ZNF789: variants seen among roughly 807,000 people sequenced by gnomAD.
ZNF789 encodes zinc finger protein 789.
ZNF789 carries 11 observed loss-of-function variants against 15.6 expected under a neutral mutation model. The ratio of observed to expected loss-of-function variants is 0.70; its 90% CI spans 0.44 to 1.16. The LOEUF (loss-of-function observed/expected upper bound fraction) is 1.16. Among genes scored for constraint, ZNF789 ranks in the 50% most tolerant of loss-of-function variants. ZNF789 has a pLI of 0.00. For missense variants in ZNF789, 461 were observed against 512.6 expected, an observed-to-expected ratio of 0.90 and a Z score of 0.97; for synonymous variants, 159 against 176.0, an observed-to-expected ratio of 0.90 and a Z score of 0.76.
Position 99,476,497 on chromosome 7 carries a change from C to T in ZNF789, c.24+17C>T, listed in dbSNP as rs373312717. The stretch of plus-strand genomic sequence containing the variant: ...AGGGGGAAGGTGAGCTGTGCCTCCC[C>T]CTCTGCTTCATCAGCATAGTCACTG... On this transcript the variant is annotated intron_variant, in intron 2 of 4. Transcript: ENST00000331410. 1 of 1,611,126 alleles carries T rather than the reference C, an allele frequency of 6.2e-7. No homozygotes were observed. The highest frequency in any genetic ancestry group is 8.5e-7 in the Non-Finnish European group (1 of 1,179,036).
intron 3 of ZNF789, chr7:99,480,100 T>G (rs1584560314): frequency 2.8e-6 from 1 of 358,506 alleles, no homozygotes; most frequent in East Asian, 4.3e-5. Flanking sequence ...CCGAGGCGGG[T>G]GGATCACATG....
chr7:99,476,258 C>G, intron 1 of ZNF789, 145 bp from the exon 2 acceptor site: 1 of 556,076 alleles, frequency 1.8e-6, no homozygotes, highest in Non-Finnish European at 3.1e-6. Flanking sequence ...GCGGCTCATG[C>G]ATTTCATCAC....
At chr7:99,484,328 A>G (rs1437349752) in intron 4 of ZNF789, among the ~76,000 whole-genome samples, 185 bp downstream of exon 4, 1 of 152,216 alleles carries the variant, frequency 6.6e-6, no homozygotes, top group Non-Finnish European at 1.5e-5. Flanking sequence ...TGAAGAAACT[A>G]AGATTAAGAA....
At chr7:99,476,748 G>T (rs1799357078) in intron 2 of ZNF789, among the ~76,000 whole-genome samples, 1 of 152,218 alleles carries the variant, frequency 6.6e-6, no homozygotes. Flanking sequence ...AGTCCTTTGT[G>T]CAGTATCTGG....
intron 4 of ZNF789, among the ~76,000 whole-genome samples, chr7:99,485,533 T>C (rs1172008866): frequency 6.6e-6 from 1 of 152,226 alleles, no homozygotes; most frequent in Admixed American, 6.5e-5. Context: ...CCTAGAGTTA[T>C]TAAAAACGTG....
chr7:99,483,588 C>T (rs1272488633), intron 3 of ZNF789: 5 of 652,610 alleles, frequency 7.7e-6, no homozygotes, highest in Non-Finnish European at 1.4e-5. Context: ...CCAAGACTGT[C>T]ACTCCAGCCT....
intron 4 of ZNF789, among the ~76,000 whole-genome samples, chr7:99,485,611 C>T (rs936566315): frequency 2.6e-5 from 4 of 152,178 alleles, no homozygotes; most frequent in Non-Finnish European, 4.4e-5. Context: ...ATGGGCAGAT[C>T]GCTTGAGGCC....
At chr7:99,482,391 T>G (rs931838328) in intron 3 of ZNF789, 2 of 626,726 alleles carry the variant, frequency 3.2e-6, no homozygotes, top group African/African-American at 3.7e-5. Context: ...GCACCTGCGT[T>G]TTGACTGCCA....
chr7:99,482,868 A>C (rs1314245568), intron 3 of ZNF789, among the ~76,000 whole-genome samples: 2 of 151,978 alleles, frequency 1.3e-5, no homozygotes, highest in African/African-American at 4.8e-5. Flanking sequence ...AAATAAAAAA[A>C]ATTTGGATCA....
chr7:99,486,826 T>C lies in ZNF789; in HGVS notation c.616T>C (p.Cys206Arg). 6.2e-7 allele frequency: 1 copy of C among 1,614,180 alleles called. No individual in the cohort carries two copies. Among genetic ancestry groups the C allele is most frequent in the Non-Finnish European group, 8.5e-7 (1 of 1,180,030 alleles). The stretch of plus-strand genomic sequence containing the variant: ...AGCAAAGTCTTATGAATGCAGTGAA[T>C]GTGGAAAAGTCATTAGGCGTAAGGC... ...TRAKSYECSE[C>R]GKVIRRKAWF... Residue 206 changes from cysteine to arginine, a missense_variant, in exon 5 of 5, where the codon TGT becomes CGT. Physicochemically the swap from Cys to Arg is radical, Grantham distance 180. Transcript: ENST00000331410.
intron 1 of ZNF789, among the ~76,000 whole-genome samples, chr7:99,473,519 G>A (rs1584545173): frequency 6.6e-6 from 1 of 152,230 alleles, no homozygotes; most frequent in East Asian, 1.9e-4. Context: ...AAGTCGAGCT[G>A]GATCAGCCTC....
intron 3 of ZNF789, among the ~76,000 whole-genome samples, chr7:99,483,167 G>T (rs1799738653): frequency 6.6e-6 from 1 of 152,078 alleles, no homozygotes. Flanking sequence ...GGAGGCGGAG[G>T]TTGCAGTGAG....
chr7:99,485,164 T>C, intron 4 of ZNF789: 1 of 1,535,034 alleles, frequency 6.5e-7, no homozygotes, highest in Non-Finnish European at 8.7e-7. Flanking sequence ...CTCCCGTATT[T>C]CCTGACATAT....
At position 99,486,512 on chromosome 7, in the gene ZNF789, C is replaced by CAA. The variant is rs1799962104; in HGVS notation, c.305_306dup (p.Gln103AsnfsTer8). 1 of 1,612,898 alleles carries CAA rather than the reference C, an allele frequency of 6.2e-7. No individual in the cohort carries two copies. The highest frequency in any genetic ancestry group is 8.5e-7 in the Non-Finnish European group (1 of 1,179,648). On this transcript the variant is annotated frameshift_variant, in exon 5 of 5. Coordinates refer to ENST00000331410, the MANE Select transcript of ZNF789 (RefSeq NM_213603.3). LOFTEE classifies it low-confidence loss of function (END_TRUNC). ...AGACACAAGATGAAAAAGCTAACTCCAAAACAGAAATTTTCTGAAGATTTA... is the reference window on the plus strand; with the variant it reads ...AGACACAAGATGAAAAAGCTAACTCCAAAAAACAGAAATTTTCTGAAGATTTA...
intron 4 of ZNF789, among the ~76,000 whole-genome samples, chr7:99,484,627 AT>A (rs1204964134): frequency 2.1e-5 from 3 of 145,574 alleles, no homozygotes; most frequent in Non-Finnish European, 3.0e-5. Context: ...CAATTAAAAA[AT>A]ATATATATAT....
At chr7:99,474,328 C>T (rs1390559135) in intron 1 of ZNF789, among the ~76,000 whole-genome samples, 2 of 152,320 alleles carry the variant, frequency 1.3e-5, no homozygotes, top group Admixed American at 6.5e-5. Flanking sequence ...GGCGCGGTGG[C>T]TCACGCCTGT....
intron 1 of ZNF789, among the ~76,000 whole-genome samples, chr7:99,473,978 C>T (rs1312175583): frequency 6.6e-6 from 1 of 152,194 alleles, no homozygotes; most frequent in Non-Finnish European, 1.5e-5. Flanking sequence ...TGTAGTGGTG[C>T]CATCATAGCT....
chr7:99,485,129 C>CTTGCT, intron 4 of ZNF789: 1 of 1,508,054 alleles, frequency 6.6e-7, no homozygotes, highest in Middle Eastern at 1.7e-4. Context: ...CTCTTGTTCC[C>CTTGCT]TTGCTTTGTT....
chr7:99,474,758 G>T (rs1473909983), intron 1 of ZNF789, among the ~76,000 whole-genome samples: 2 of 152,042 alleles, frequency 1.3e-5, no homozygotes, highest in African/African-American at 2.4e-5. Context: ...ATAGTTTTTA[G>T]AGTGTACCTC....
Sources: allele counts gnomAD v4.1 joint callset (sites outside exome capture counted in the v4.1 genomes callset), GRCh38; gene constraint gnomAD v4.1.1; transcripts MANE v1.5; gene names NCBI Gene and HGNC (gene_info 2026-07-23, HGNC 2026-07-21).